Variants in SRGAP1 observed in about 807,000 individuals in gnomAD.
SRGAP1 encodes SLIT-ROBO Rho GTPase activating protein 1.
SRGAP1 carries 43 observed loss-of-function variants against 121.9 expected under a neutral mutation model. The observed-to-expected ratio is 0.35, with a 90% CI of 0.28 to 0.46. The LOEUF (loss-of-function observed/expected upper bound fraction) is 0.46. SRGAP1 is among the 20% of genes least tolerant of loss of function. SRGAP1 has a pLI of 1.00. For synonymous variants in SRGAP1, 447 were observed against 485.4 expected (o/e 0.92, Z 1.04); for missense variants, 1,102 against 1,350.9 (o/e 0.82, Z 2.89).
intron 1 of SRGAP1, among the ~76,000 whole-genome samples, chr12:63,938,767 T>G (rs902081871): frequency 2.0e-5 from 3 of 151,998 alleles, no homozygotes; most frequent in African/African-American, 7.2e-5. Flanking sequence ...AGCCTGAAAT[T>G]CCTTTAAGTT....
intron 1 of SRGAP1, among the ~76,000 whole-genome samples, chr12:63,869,167 G>T (rs1899764574): frequency 6.6e-6 from 1 of 152,124 alleles, no homozygotes; most frequent in Non-Finnish European, 1.5e-5. Context: ...TATATTTGTT[G>T]GCTCACAGTT....
chr12:63,897,004 G>T (rs1218434698), intron 1 of SRGAP1, among the ~76,000 whole-genome samples: 1 of 152,112 alleles, frequency 6.6e-6, no homozygotes, highest in African/African-American at 2.4e-5. Flanking sequence ...CTCTCCATGG[G>T]GCTACACGAG....
At chr12:64,091,595 G>T (rs1315542883) in intron 12 of SRGAP1, among the ~76,000 whole-genome samples, 1 of 152,046 alleles carries the variant, frequency 6.6e-6, no homozygotes, top group Non-Finnish European at 1.5e-5. Context: ...TATTATGTGG[G>T]CATAAAAGAA....
At position 63,974,256 on chromosome 12, in the gene SRGAP1, T is replaced by C. The variant is rs576358358; in HGVS notation, c.68-9691T>C. On this transcript the variant is annotated intron_variant, in intron 1 of 21. Transcript: ENST00000355086. The stretch of plus-strand genomic sequence containing the variant: ...ATATGAAAAAAAAAGTGCAAGTTTG[T>C]TTTCCATACTTTATCTAAAAATGTT... Among the ~76,000 whole-genome samples the C allele has an allele frequency of 2.2e-4, 34 of 152,294 alleles. 1 individual carries two copies. In the South Asian group the frequency reaches 6.6e-3, roughly 30 times the overall value.
In SRGAP1 at chr12:64,162,170, A is replaced by G. The variant is rs2037213297; in HGVS notation, c.*19498A>G. 6.6e-6 allele frequency: 1 copy of G among 152,194 alleles called. No individual in the cohort carries two copies. The highest frequency in any genetic ancestry group is 1.5e-5 in the Non-Finnish European group (1 of 68,028). The allele number at this position is 152,194 out of a possible 1,614,324, so 9.4% of individuals were successfully genotyped here. On this transcript the variant is annotated 3_prime_UTR_variant, in exon 22 of 22. Coordinates refer to ENST00000355086, the MANE Select transcript of SRGAP1 (RefSeq NM_020762.4). The stretch of plus-strand genomic sequence containing the variant: ...GTGATAACTACACATCTGTAAATAT[A>G]CTAAAAACCACTGAATTGTATCCAA...
chr12:63,900,761 T>C (rs2029887920), intron 1 of SRGAP1, among the ~76,000 whole-genome samples: 1 of 152,092 alleles, frequency 6.6e-6, no homozygotes, highest in African/African-American at 2.4e-5. Context: ...TGCAGTGAGC[T>C]GAGATCACGC....
intron 1 of SRGAP1, among the ~76,000 whole-genome samples, chr12:63,900,508 C>CT (rs1042870420): frequency 7.9e-5 from 12 of 151,808 alleles, no homozygotes; most frequent in Admixed American, 3.3e-4. Context: ...CCCGGCCATG[C>CT]TTTTTTCTCT....
intron 1 of SRGAP1, among the ~76,000 whole-genome samples, chr12:63,960,196 T>C (rs2032595607): frequency 6.6e-6 from 1 of 152,204 alleles, no homozygotes. Flanking sequence ...GACACAGATA[T>C]TCTAAATCAC....
intron 3 of SRGAP1, among the ~76,000 whole-genome samples, chr12:63,996,322 A>G (rs2033708155): frequency 6.6e-6 from 1 of 152,060 alleles, no homozygotes; most frequent in South Asian, 2.1e-4. Flanking sequence ...TTCATATAGA[A>G]TATTATTAGC....
intron 1 of SRGAP1, among the ~76,000 whole-genome samples, chr12:63,895,123 A>G (rs570348383): frequency 6.6e-6 from 1 of 152,310 alleles, no homozygotes; most frequent in Admixed American, 6.5e-5. Flanking sequence ...ATTTCTGCAC[A>G]TCCTCTCCAG....
At position 64,127,953 on chromosome 12, in the gene SRGAP1, CT is replaced by C; in HGVS notation, c.2634del (p.Asn879ThrfsTer6). 1 of 1,614,228 alleles carries C rather than the reference CT, an allele frequency of 6.2e-7. No individual in the cohort carries two copies. Among genetic ancestry groups the C allele is most frequent in the Middle Eastern group, 1.6e-4 (1 of 6,062 alleles). ...HCPLHPPHAL[S>X]NSSVDLGSPS... ...CCGCTCCACCCTCCACATGCCCTTT[CT>C]AACTCCTCAGTTGACCTAGGGTCCC... On this transcript the variant is annotated frameshift_variant, in exon 21 of 22. Transcript: ENST00000355086. LOFTEE classifies it high-confidence loss of function.
At position 64,147,022 on chromosome 12, in the gene SRGAP1, T is replaced by C. The variant is rs565177619; in HGVS notation, c.*4350T>C. ...TTAGAAACTTTAGTAAAAGAAAATA[T>C]ATGAACCGTGCATTTGTGAATGCCC... is the stretch of plus-strand genomic sequence containing the variant. On this transcript the variant is annotated 3_prime_UTR_variant, in exon 22 of 22. Coordinates refer to ENST00000355086, the MANE Select transcript of SRGAP1 (RefSeq NM_020762.4). 3 of 153,768 alleles carry C rather than the reference T, an allele frequency of 2.0e-5. No homozygotes were observed. Among genetic ancestry groups the C allele is most frequent in the South Asian group, 4.1e-4 (2 of 4,842 alleles). The allele number at this position is 153,768 out of a possible 1,614,324, so 9.5% of individuals were successfully genotyped here.
intron 2 of SRGAP1, among the ~76,000 whole-genome samples, chr12:63,987,353 A>T (rs993576737): frequency 2.0e-5 from 3 of 152,190 alleles, no homozygotes; most frequent in African/African-American, 7.2e-5. Flanking sequence ...GACTAAAAAA[A>T]GACTCTCTCA....
intron 1 of SRGAP1, among the ~76,000 whole-genome samples, chr12:63,979,562 TC>T (rs988327915): frequency 6.6e-6 from 1 of 152,178 alleles, no homozygotes; most frequent in Non-Finnish European, 1.5e-5. Flanking sequence ...CAGTTTCTGC[TC>T]CTCTTTCCAT....
rs143263749 is a variant in SRGAP1 at position 63,959,850 on chromosome 12, A to G, written c.68-24097A>G. Reference sequence around the variant, plus strand: ...GGGTCACAAAGCTGGTAAAGTGGCAAAGGAGTGTTGGAACCCAGGTGTGTG... The same window carrying G: ...GGGTCACAAAGCTGGTAAAGTGGCAGAGGAGTGTTGGAACCCAGGTGTGTG... On this transcript the variant is annotated intron_variant, in intron 1 of 21. Transcript: ENST00000355086. Among the ~76,000 whole-genome samples the G allele has an allele frequency of 9.0e-3, 1,375 of 152,314 alleles. 13 individuals are homozygous for G. Among genetic ancestry groups the G allele is most frequent in the Middle Eastern group, 0.021 (6 of 292 alleles).
intron 3 of SRGAP1, among the ~76,000 whole-genome samples, chr12:64,004,800 C>T (rs565523575): frequency 1.5e-3 from 229 of 152,322 alleles, no homozygotes; most frequent in African/African-American, 5.2e-3. Flanking sequence ...GTTGAGGTGT[C>T]TGCAGTTGAG....
intron 1 of SRGAP1, among the ~76,000 whole-genome samples, chr12:63,891,708 C>T (rs1900585904): frequency 6.6e-6 from 1 of 152,072 alleles, no homozygotes; most frequent in South Asian, 2.1e-4. Flanking sequence ...ATTATGCAGC[C>T]AGGCATGGTG....
At chr12:63,864,690 A>C (rs1899564057) in intron 1 of SRGAP1, among the ~76,000 whole-genome samples, 1 of 152,210 alleles carries the variant, frequency 6.6e-6, no homozygotes, top group South Asian at 2.1e-4. Flanking sequence ...TGAAAGCAAT[A>C]ATAATAAATG....
intron 1 of SRGAP1, among the ~76,000 whole-genome samples, chr12:63,943,527 G>T (rs978534063): frequency 2.6e-5 from 4 of 152,156 alleles, no homozygotes; most frequent in Non-Finnish European, 4.4e-5. Context: ...TTTTTCCAAG[G>T]TTACATAGCT....
Sources: gnomAD v4.1 joint callset for allele counts (sites outside exome capture counted in the v4.1 genomes callset) on GRCh38, gnomAD v4.1.1 for gene constraint, MANE v1.5 for transcripts, NCBI Gene and HGNC (gene_info 2026-07-23, HGNC 2026-07-21) for gene names.